Variants in NDST4 observed in about 807,000 individuals in gnomAD.
NDST4 encodes the protein N-deacetylase and N-sulfotransferase 4.
In NDST4, 63 loss-of-function variants were observed where a neutral mutation model predicts 100.8. The observed-to-expected ratio is 0.62, with a 90% CI of 0.51 to 0.77. The LOEUF (loss-of-function observed/expected upper bound fraction) is 0.77. Among genes scored for constraint, NDST4 ranks in the 30% least tolerant of loss-of-function variants. NDST4 has a pLI of 0.00. For missense variants in NDST4, 943 were observed against 1,018.4 expected (o/e 0.93, Z 1.01); for synonymous variants, 377 against 361.8 (o/e 1.04, Z -0.48).
chr4:115,083,274 G>A (rs972718572), intron 1 of NDST4, among the ~76,000 whole-genome samples: 1 of 152,026 alleles, frequency 6.6e-6, no homozygotes, highest in East Asian at 1.9e-4. Context: ...AACAAAACAA[G>A]ATCTTGTCTC....
intron 6 of NDST4, among the ~76,000 whole-genome samples, chr4:114,919,997 C>T (rs1725255668): frequency 6.6e-6 from 1 of 152,144 alleles, no homozygotes; most frequent in Admixed American, 6.5e-5. Context: ...TGCCTACCCT[C>T]TAGAAAGTCA....
intron 6 of NDST4, among the ~76,000 whole-genome samples, chr4:114,920,251 T>C (rs1725261105): frequency 6.6e-6 from 1 of 152,170 alleles, no homozygotes; most frequent in African/African-American, 2.4e-5. Context: ...TCTCAATAAC[T>C]CATAATTCCC....
At chr4:114,897,273 C>G (rs754172971) in intron 6 of NDST4, among the ~76,000 whole-genome samples, 1 of 152,110 alleles carries the variant, frequency 6.6e-6, no homozygotes, top group Non-Finnish European at 1.5e-5. Context: ...AGGCATTGAT[C>G]TTTTTGCTGT....
At position 114,871,394 on chromosome 4, in the gene NDST4, A is replaced by C. The variant is rs181872432; in HGVS notation, c.1537-444T>G. ...TTTGTGGTCTAATTAAACGAATTTTATTTCAGTAGAGACTGTAAATGTTTG... is the reference window on the plus strand; with the variant it reads ...TTTGTGGTCTAATTAAACGAATTTTCTTTCAGTAGAGACTGTAAATGTTTG... On this transcript the variant is annotated intron_variant, in intron 6 of 13. Transcript: ENST00000264363. Among the ~76,000 whole-genome samples, 3 of 152,242 alleles carry C rather than the reference A, an allele frequency of 2.0e-5. No homozygotes were observed. The East Asian group carries it at 5.8e-4, about 29-fold the overall frequency.
chr4:114,992,677 A>G (rs192760886), intron 2 of NDST4, among the ~76,000 whole-genome samples: 3 of 151,932 alleles, frequency 2.0e-5, no homozygotes, highest in Non-Finnish European at 4.4e-5. Context: ...ATCTCCATTG[A>G]GCATTTTACA....
chr4:114,924,252 C>G (rs552234636), intron 6 of NDST4, among the ~76,000 whole-genome samples: 2 of 152,102 alleles, frequency 1.3e-5, no homozygotes, highest in East Asian at 3.9e-4. Context: ...TTCTCTACAT[C>G]CTTATGCTAA....
chr4:114,849,021 A>T (rs1466103504), intron 8 of NDST4, among the ~76,000 whole-genome samples: 1 of 152,206 alleles, frequency 6.6e-6, no homozygotes, highest in Non-Finnish European at 1.5e-5. Flanking sequence ...ACTTTTCCTT[A>T]AAAACATAAG....
Position 114,870,870 on chromosome 4 carries a change from A to T in NDST4, c.1617T>A (p.Phe539Leu). 1.9e-6 allele frequency: 3 copies of T among 1,613,318 alleles called. No individual in the cohort carries two copies. Among genetic ancestry groups the T allele is most frequent in the Non-Finnish European group, 2.5e-6 (3 of 1,179,470 alleles). Residue 539 changes from phenylalanine (F) to leucine (L), a missense_variant, in exon 7 of 14, where the codon TTT becomes TTA. By Grantham distance (22) the Phe-to-Leu change is conservative. Coordinates refer to ENST00000264363, the MANE Select transcript of NDST4 (RefSeq NM_022569.3). ...GLYTFVNLVN[F>L]VQSWTNLKLQ... is the part of the protein sequence containing the mutation. ...ATTTCAGGTTGGTCCAGCTCTGCAC[A>T]AAGTTGACCAAGTTCACAAAGGTAT... is the stretch of plus-strand genomic sequence containing the variant.
intron 6 of NDST4, among the ~76,000 whole-genome samples, chr4:114,914,844 T>C (rs542538050): frequency 7.2e-5 from 11 of 152,260 alleles, no homozygotes; most frequent in African/African-American, 2.6e-4. Flanking sequence ...CTTGTTTCCC[T>C]TTAATGTTTC....
At chr4:115,051,193 TTTTTAATGTATTC>T (rs1728574181) in intron 2 of NDST4, among the ~76,000 whole-genome samples, 1 of 152,122 alleles carries the variant, frequency 6.6e-6, no homozygotes, top group Non-Finnish European at 1.5e-5. Flanking sequence ...TTTTATTCAG[TTTTTAATGTATTC>T]TCAACAGTGG....
intron 1 of NDST4, among the ~76,000 whole-genome samples, chr4:115,109,530 A>G (rs1357140490): frequency 1.3e-5 from 2 of 152,000 alleles, no homozygotes; most frequent in Non-Finnish European, 2.9e-5. Context: ...TGGATTTAGT[A>G]CAGAAGTCCC....
At chr4:114,937,235 C>T in intron 5 of NDST4, 83 bp downstream of exon 5, 1 of 1,416,518 alleles carries the variant, frequency 7.1e-7, no homozygotes, top group South Asian at 1.2e-5. Context: ...TTCGAGGTTA[C>T]ATCCTTAGAG....
intron 2 of NDST4, among the ~76,000 whole-genome samples, chr4:114,988,451 TC>T (rs1242211339): frequency 7.5e-6 from 1 of 133,034 alleles, no homozygotes; most frequent in East Asian, 2.6e-4. Flanking sequence ...AAGCTCCACC[TC>T]CCGGGTTCAT....
At chr4:114,974,221 T>C (rs969041398) in intron 3 of NDST4, among the ~76,000 whole-genome samples, 1 of 151,752 alleles carries the variant, frequency 6.6e-6, no homozygotes, top group African/African-American at 2.4e-5. Context: ...GATTTGAACA[T>C]CAAGTTTGTT....
At chr4:114,911,323 G>C (rs549564077) in intron 6 of NDST4, among the ~76,000 whole-genome samples, 39 of 152,100 alleles carry the variant, frequency 2.6e-4, no homozygotes, top group Non-Finnish European at 4.3e-4. Flanking sequence ...TATGCCAATT[G>C]CTACTCTTTG....
At chr4:114,978,350 A>C (rs1726683937) in intron 2 of NDST4, among the ~76,000 whole-genome samples, 1 of 151,978 alleles carries the variant, frequency 6.6e-6, no homozygotes, top group Non-Finnish European at 1.5e-5. Flanking sequence ...ATTCCTTTAC[A>C]ATGAAAGGAG....
intron 7 of NDST4, among the ~76,000 whole-genome samples, chr4:114,858,871 T>G (rs1185957226): frequency 1.3e-5 from 2 of 152,208 alleles, no homozygotes. Flanking sequence ...TCCTACCTGG[T>G]CACTTTGGAC....
chr4:115,006,666 T>C (rs1284639070), intron 2 of NDST4, among the ~76,000 whole-genome samples: 2 of 152,112 alleles, frequency 1.3e-5, no homozygotes, highest in African/African-American at 2.4e-5. Context: ...TTTGAACTAC[T>C]TGAGGAATAG....
At chr4:114,946,492 G>A (rs1725866399) in intron 4 of NDST4, among the ~76,000 whole-genome samples, 2 of 152,188 alleles carry the variant, frequency 1.3e-5, no homozygotes. Flanking sequence ...AATGGAGAAG[G>A]TAGTAGTTTG....
Sources: gnomAD v4.1 joint callset for allele counts (sites outside exome capture counted in the v4.1 genomes callset) on GRCh38, gnomAD v4.1.1 for gene constraint, MANE v1.5 for transcripts, NCBI Gene and HGNC (gene_info 2026-07-23, HGNC 2026-07-21) for gene names.